The following ST6GALNAC3 variants were observed in gnomAD, a reference collection of about 807,000 sequenced individuals.
ST6GALNAC3 encodes the protein ST6 N-acetylgalactosaminide alpha-2,6-sialyltransferase 3, also known as alpha-N-acetylgalactosaminide alpha-2,6-sialyltransferase 3.
Under a neutral mutation model 32.7 loss-of-function variants are expected in ST6GALNAC3, and 25 were observed. That is an observed-to-expected ratio of 0.76 (90% confidence interval 0.56 to 1.07). The LOEUF (loss-of-function observed/expected upper bound fraction) is 1.07. Ranked by LOEUF, ST6GALNAC3 falls within the 50% of genes least tolerant of loss-of-function variation. The pLI, the probability that ST6GALNAC3 is intolerant of heterozygous loss-of-function variation, is 0.00. For missense variants in ST6GALNAC3, 355 were observed against 382.4 expected, an observed-to-expected ratio of 0.93 and a Z score of 0.60; for synonymous variants, 129 against 133.1, an observed-to-expected ratio of 0.97 and a Z score of 0.21.
At chr1:76,145,035 A>T (rs1257937249) in intron 1 of ST6GALNAC3, among the ~76,000 whole-genome samples, 2 of 152,222 alleles carry the variant, frequency 1.3e-5, no homozygotes, top group Non-Finnish European at 2.9e-5. Flanking sequence ...CCAGACATTT[A>T]TAAACAAATC....
chr1:76,194,472 T>C (rs1248682865), intron 1 of ST6GALNAC3, among the ~76,000 whole-genome samples: 3 of 151,204 alleles, frequency 2.0e-5, no homozygotes, highest in Non-Finnish European at 4.4e-5. Flanking sequence ...TTTTTAAATA[T>C]TTAATTTATT....
chr1:76,345,187 C>T (rs991017154), intron 2 of ST6GALNAC3, among the ~76,000 whole-genome samples: 5 of 152,160 alleles, frequency 3.3e-5, no homozygotes, highest in African/African-American at 7.2e-5. Context: ...CCTTCTCCCC[C>T]GGACAGTGAT....
At chr1:76,216,295 C>G (rs1261228648) in intron 1 of ST6GALNAC3, among the ~76,000 whole-genome samples, 1 of 152,158 alleles carries the variant, frequency 6.6e-6, no homozygotes, top group Non-Finnish European at 1.5e-5. Context: ...CTCACACACA[C>G]AAATACGCAT....
intron 3 of ST6GALNAC3, among the ~76,000 whole-genome samples, chr1:76,608,097 T>C (rs1375122093): frequency 6.6e-6 from 1 of 152,206 alleles, no homozygotes; most frequent in Non-Finnish European, 1.5e-5. Flanking sequence ...TCATATGAAG[T>C]ACAATTTCAT....
At chr1:76,367,901 G>A (rs12034783) in intron 2 of ST6GALNAC3, among the ~76,000 whole-genome samples, 29,764 of 151,982 alleles carry the variant, frequency 0.2, 3,500 homozygotes, top group East Asian at 0.6. Flanking sequence ...TGCTACAAAA[G>A]CATCTCTTCT....
At chr1:76,433,708 C>A (rs1655932681) in intron 3 of ST6GALNAC3, among the ~76,000 whole-genome samples, 1 of 152,130 alleles carries the variant, frequency 6.6e-6, no homozygotes. Flanking sequence ...CTGGAACCTA[C>A]CAAACTGCAA....
At chr1:76,150,589 G>A (rs572479818) in intron 1 of ST6GALNAC3, among the ~76,000 whole-genome samples, 1 of 152,302 alleles carries the variant, frequency 6.6e-6, no homozygotes, top group South Asian at 2.1e-4. Flanking sequence ...GTGGGTAGCT[G>A]TAATTTCCTG....
chr1:76,197,044 G>A (rs552036231), intron 1 of ST6GALNAC3, among the ~76,000 whole-genome samples: 262 of 152,206 alleles, frequency 1.7e-3, no homozygotes, highest in African/African-American at 5.9e-3. Flanking sequence ...TGCTATTAAA[G>A]CCAGATGGCT....
chr1:76,407,687 A>C (rs72678035), intron 2 of ST6GALNAC3, among the ~76,000 whole-genome samples: 27,197 of 151,976 alleles, frequency 0.18, 3,108 homozygotes, highest in East Asian at 0.54. Flanking sequence ...TTAATGAAAA[A>C]AAAAAAGCAA....
chr1:76,187,498 A>G lies in ST6GALNAC3; in HGVS notation c.18+112614A>G, dbSNP rs545521670. ...ATTATGTTACTAGTGACTAAAAAAT[A>G]TCTCCAGATATTGTATAAATCATGG... On this transcript the variant is annotated intron_variant, in intron 1 of 4. Coordinates refer to ENST00000328299, the MANE Select transcript of ST6GALNAC3 (RefSeq NM_152996.4). Among the ~76,000 whole-genome samples, 266 of 152,314 alleles carry G rather than the reference A, an allele frequency of 1.7e-3. 1 individual carries two copies. The highest frequency in any genetic ancestry group is 6.1e-3 in the African/African-American group (255 of 41,564).
At chr1:76,108,630 C>A (rs1293960311) in intron 1 of ST6GALNAC3, among the ~76,000 whole-genome samples, 6 of 152,176 alleles carry the variant, frequency 3.9e-5, no homozygotes, top group Admixed American at 3.9e-4. Flanking sequence ...ACAAAGGCAT[C>A]TGTAGCAAAG....
chr1:76,350,394 A>G (rs1279861027), intron 2 of ST6GALNAC3, among the ~76,000 whole-genome samples: 1 of 152,146 alleles, frequency 6.6e-6, no homozygotes, highest in Non-Finnish European at 1.5e-5. Context: ...CCCTCACAAG[A>G]TTTACTAAGC....
chr1:76,213,209 T>C (rs972082723), intron 1 of ST6GALNAC3, among the ~76,000 whole-genome samples: 1 of 152,118 alleles, frequency 6.6e-6, no homozygotes, highest in East Asian at 1.9e-4. Context: ...CTGTTAGGAA[T>C]GACATGTGGT....
At position 76,235,245 on chromosome 1, in the gene ST6GALNAC3, C is replaced by G. The variant is rs941900467; in HGVS notation, c.19-78560C>G. Among the ~76,000 whole-genome samples the G allele has an allele frequency of 3.5e-4, 53 of 152,224 alleles. 1 individual carries two copies. Among genetic ancestry groups the G allele is most frequent in the African/African-American group, 1.2e-3 (51 of 41,458 alleles). ...CCCAAGTCAGGTCTGGTGGCTCATG[C>G]CTGTAATCCCAGCACTTTGGGAGGC... is the stretch of plus-strand genomic sequence containing the variant. On this transcript the variant is annotated intron_variant, in intron 1 of 4. Transcript: ENST00000328299.
At position 76,515,203 on chromosome 1, in the gene ST6GALNAC3, T is replaced by C. The variant is rs188560156; in HGVS notation, c.623+102786T>C. Among the ~76,000 whole-genome samples the C allele has an allele frequency of 3.5e-3, 537 of 152,262 alleles. 1 individual carries two copies. Among genetic ancestry groups the C allele is most frequent in the African/African-American group, 0.012 (501 of 41,564 alleles). On this transcript the variant is annotated intron_variant, in intron 3 of 4. Transcript: ENST00000328299. ...ACTGATTCAATTTCCTCACTCATCATTGATCTGTCCAAATTTTCAGTTTCT... is the reference window on the plus strand; with the variant it reads ...ACTGATTCAATTTCCTCACTCATCACTGATCTGTCCAAATTTTCAGTTTCT...
rs571973703 is a variant in ST6GALNAC3, at chr1:76,410,250, A to G, written c.214-1758A>G. Among the ~76,000 whole-genome samples the G allele has an allele frequency of 2.2e-4, 33 of 152,210 alleles. No homozygotes were observed. In the East Asian group the frequency reaches 6.2e-3, roughly 29 times the overall value. ...CTCTCCCCACTGGCTCTGCCAGGCTACATTGCTCTTCCTATTCCTTTCCTG... is the reference window on the plus strand; with the variant it reads ...CTCTCCCCACTGGCTCTGCCAGGCTGCATTGCTCTTCCTATTCCTTTCCTG... On this transcript the variant is annotated intron_variant, in intron 2 of 4. Transcript: ENST00000328299.
At chr1:76,349,915 C>T (rs958657219) in intron 2 of ST6GALNAC3, among the ~76,000 whole-genome samples, 1 of 152,064 alleles carries the variant, frequency 6.6e-6, no homozygotes, top group Non-Finnish European at 1.5e-5. Flanking sequence ...TGCTTTTCTC[C>T]CCTTTTTCAT....
rs116179090 is a variant in ST6GALNAC3, at chr1:76,399,837, G to T, written c.214-12171G>T. On this transcript the variant is annotated intron_variant, in intron 2 of 4. Transcript: ENST00000328299. ...TATTCCTAGGTATTTAATATTTTGA[G>T]GCAGTAATGAATGGCATCTTTTCTT... Among the ~76,000 whole-genome samples the T allele has an allele frequency of 2.5e-3, 379 of 152,164 alleles. 1 individual carries two copies. Among genetic ancestry groups the T allele is most frequent in the African/African-American group, 9.0e-3 (373 of 41,524 alleles).
intron 1 of ST6GALNAC3, among the ~76,000 whole-genome samples, chr1:76,288,011 A>G (rs1659879403): frequency 6.6e-6 from 1 of 152,324 alleles, no homozygotes; most frequent in East Asian, 1.9e-4. Context: ...CTTATTACCT[A>G]CAATTCACTG....
Sources: allele counts gnomAD v4.1 joint callset (sites outside exome capture counted in the v4.1 genomes callset), GRCh38; gene constraint gnomAD v4.1.1; transcripts MANE v1.5; gene names NCBI Gene and HGNC (gene_info 2026-07-23, HGNC 2026-07-21).